HEPH: variants seen among roughly 807,000 people sequenced by gnomAD.
The protein encoded by HEPH is hephaestin.
A neutral mutation model predicts 80.8 loss-of-function variants in HEPH; 69 were observed. The ratio of observed to expected loss-of-function variants is 0.85; its 90% CI spans 0.70 to 1.04. The LOEUF (loss-of-function observed/expected upper bound fraction) is 1.04. HEPH is among the 50% of genes least tolerant of loss of function. The pLI is 0.00. For synonymous variants in HEPH, 431 were observed against 322.8 expected (o/e 1.34, Z -3.60); for missense variants, 1,115 against 891.3 (o/e 1.25, Z -3.20).
rs762469091 is a variant in HEPH, at chrX:66,172,441, C to T, written c.254C>T (p.Ser85Leu). ...KTIYKEYKDD[S>L]YTDEVAQPAW... ...ATCTATAAAGAATACAAGGATGACT[C>T]ATACACAGATGAAGTGGCCCAGCCT... Residue 85 changes from serine to leucine, a missense_variant, in exon 3 of 21, where the codon TCA (serine) becomes TTA (leucine). Physicochemically the swap from Ser to Leu is moderately radical, Grantham distance 145. Coordinates refer to ENST00000343002, the MANE Select transcript of HEPH (RefSeq NM_001367233.3). 8.3e-7 allele frequency: 1 copy of T among 1,209,870 alleles called. No homozygotes were observed. The highest frequency in any genetic ancestry group is 1.1e-6 in the Non-Finnish European group (1 of 894,342).
intron 15 of HEPH, among the ~76,000 whole-genome samples, chrX:66,242,911 G>A (rs142368750): frequency 8.9e-6 from 1 of 112,008 alleles, no homozygotes; most frequent in Non-Finnish European, 1.9e-5. Context: ...TACACTGCTG[G>A]CAGAAATGTA....
At chrX:66,239,493 G>T (rs779796707) in intron 15 of HEPH, among the ~76,000 whole-genome samples, 128 of 112,125 alleles carry the variant, frequency 1.1e-3, no homozygotes, top group African/African-American at 3.9e-3. Flanking sequence ...AAATGGTTAA[G>T]ATTTCTTGTT....
chrX:66,208,706 G>A (rs2088951380), intron 15 of HEPH, among the ~76,000 whole-genome samples: 2 of 82,962 alleles, frequency 2.4e-5, no homozygotes, highest in African/African-American at 8.4e-5. Flanking sequence ...TAGGAATATA[G>A]CCAAAACTAA....
chrX:66,266,596 A>T lies in HEPH; in HGVS notation c.3401A>T (p.His1134Leu). ...LALGGVVWYQ[H>L]RQRKLRRNRR... ...CTTGGTGGAGTGGTTTGGTACCAAC[A>T]TCGACAGAGAAAGCTACGACGCAAT... Residue 1134 changes from histidine (H) to leucine (L), a missense_variant, in exon 21 of 21, where the codon CAT becomes CTT. His to Leu is a moderately conservative substitution (Grantham distance 99, BLOSUM62 -3). Transcript: ENST00000343002. 2 of 1,210,638 alleles carry T rather than the reference A, an allele frequency of 1.7e-6. No homozygotes were observed. The highest frequency in any genetic ancestry group is 2.2e-6 in the Non-Finnish European group (2 of 895,004).
chrX:66,251,981 G>A (rs1472392593), intron 15 of HEPH, among the ~76,000 whole-genome samples: 1 of 112,017 alleles, frequency 8.9e-6, no homozygotes, highest in Admixed American at 9.5e-5. Context: ...GTTATGTGAA[G>A]CATATGTTAT....
intron 15 of HEPH, among the ~76,000 whole-genome samples, chrX:66,236,222 C>T (rs1334199255): frequency 9.0e-6 from 1 of 111,504 alleles, no homozygotes; most frequent in African/African-American, 3.3e-5. Flanking sequence ...CCAGTTTTTG[C>T]CCATTCAGTA....
intron 15 of HEPH, among the ~76,000 whole-genome samples, chrX:66,249,153 G>T (rs1219488916): frequency 9.0e-6 from 1 of 111,284 alleles, no homozygotes; most frequent in Non-Finnish European, 1.9e-5. Flanking sequence ...CAAGGGCTTG[G>T]TAGACATGGA....
At chrX:66,191,329 A>T (rs1165749200) in intron 6 of HEPH, among the ~76,000 whole-genome samples, 1 of 112,260 alleles carries the variant, frequency 8.9e-6, no homozygotes, top group Non-Finnish European at 1.9e-5. Flanking sequence ...CTGAAATTTT[A>T]AAAAAGATGT....
intron 16 of HEPH, among the ~76,000 whole-genome samples, chrX:66,255,634 G>T (rs920262838): frequency 2.7e-5 from 3 of 111,649 alleles, no homozygotes; most frequent in Non-Finnish European, 5.6e-5. Context: ...TTTACTTGGT[G>T]CTTTGGATGA....
intron 15 of HEPH, among the ~76,000 whole-genome samples, chrX:66,249,945 G>A (rs1036309942): frequency 8.1e-5 from 9 of 111,527 alleles, no homozygotes; most frequent in African/African-American, 2.9e-4. Context: ...CAGGCAAGAA[G>A]ACATGAGAGT....
At chrX:66,234,010 G>A (rs936039458) in intron 15 of HEPH, among the ~76,000 whole-genome samples, 3 of 110,844 alleles carry the variant, frequency 2.7e-5, no homozygotes, top group Non-Finnish European at 5.7e-5. Context: ...TCTCACTGAG[G>A]TACTAAGCCT....
Position 66,164,475 on chromosome X carries a change from G to C in HEPH, c.-14+5G>C. 1 of 753,697 alleles carries C rather than the reference G, an allele frequency of 1.3e-6. No homozygotes were observed. The highest frequency in any genetic ancestry group is 1.5e-4 in the East Asian group (1 of 6,667). 62.1% of individuals were successfully genotyped at this position (753,697 alleles called of 1,213,427 possible). ...GAGTAGTTTTCTCTAGCAAAGGTAAGCTTTCTTTTCTCTCTTTTCAAACTC... is the reference window on the plus strand; with the variant it reads ...GAGTAGTTTTCTCTAGCAAAGGTAACCTTTCTTTTCTCTCTTTTCAAACTC... On this transcript the variant is annotated splice_donor_5th_base_variant and intron_variant, in intron 1 of 20. Transcript: ENST00000343002.
intron 4 of HEPH, among the ~76,000 whole-genome samples, chrX:66,187,681 C>T (rs2087542492): frequency 9.0e-6 from 1 of 110,953 alleles, no homozygotes. Flanking sequence ...CCATTTCCTT[C>T]AGAGGGTCTG....
intron 8 of HEPH, among the ~76,000 whole-genome samples, chrX:66,193,983 G>T (rs2087949434): frequency 9.0e-6 from 1 of 111,567 alleles, no homozygotes; most frequent in Admixed American, 9.5e-5. Context: ...TTCCTAAAGG[G>T]CTATATAAGG....
intron 15 of HEPH, among the ~76,000 whole-genome samples, chrX:66,211,383 T>A (rs2089105886): frequency 1.8e-5 from 2 of 111,673 alleles, no homozygotes; most frequent in Admixed American, 1.9e-4. Context: ...TATAATATAT[T>A]TTTGTTAAGT....
chrX:66,262,560 G>T (rs906473173), intron 19 of HEPH, among the ~76,000 whole-genome samples: 2 of 111,798 alleles, frequency 1.8e-5, no homozygotes, highest in Admixed American at 1.9e-4. Context: ...GTTGAAATTG[G>T]ACACAAAGGA....
chrX:66,243,393 G>A (rs1284460110), intron 15 of HEPH, among the ~76,000 whole-genome samples: 1 of 112,296 alleles, frequency 8.9e-6, no homozygotes, highest in Non-Finnish European at 1.9e-5. Context: ...TATTTTTGTT[G>A]AATTGAACCC....
At chrX:66,229,503 A>C (rs192409329) in intron 15 of HEPH, among the ~76,000 whole-genome samples, 29 of 111,956 alleles carry the variant, frequency 2.6e-4, no homozygotes, top group Non-Finnish European at 4.5e-4. Context: ...AATACAGTGT[A>C]CACTGCTCAG....
intron 15 of HEPH, among the ~76,000 whole-genome samples, chrX:66,225,634 G>T (rs2089849950): frequency 8.9e-6 from 1 of 112,400 alleles, no homozygotes; most frequent in African/African-American, 3.2e-5. Flanking sequence ...CCACTGCATT[G>T]ATCCTCCACA....
Sources: gnomAD v4.1 joint callset for allele counts (sites outside exome capture counted in the v4.1 genomes callset) on GRCh38, gnomAD v4.1.1 for gene constraint, MANE v1.5 for transcripts, NCBI Gene and HGNC (gene_info 2026-07-23, HGNC 2026-07-21) for gene names.